The following RBM33 variants were observed in gnomAD, a reference collection of about 807,000 sequenced individuals.
The protein encoded by RBM33 is RNA-binding protein 33.
RBM33 carries 28 observed loss-of-function variants against 132.6 expected under a neutral mutation model. That is an observed-to-expected ratio of 0.21 (90% CI 0.16 to 0.29). The LOEUF is 0.29. RBM33 is among the 10% of genes least tolerant of loss of function. The probability of loss-of-function intolerance (pLI) is 1.00; values close to 1 mark genes in which losing one functional copy is unlikely to be tolerated. For missense variants in RBM33, 1,291 were observed against 1,518.5 expected (o/e 0.85, Z 2.49); for synonymous variants, 634 against 593.0 (o/e 1.07, Z -1.01).
At position 155,739,815 on chromosome 7, in the gene RBM33, ACCAGCCCCCGCC is replaced by A. The variant is rs1801259645; in HGVS notation, c.1844_1855del (p.Pro615_Gln618del). On this transcript the variant is annotated inframe_deletion, in exon 12 of 18. Transcript: ENST00000401878. ...CACCAGCCTCCGCACCAGCCCCCGC[ACCAGCCCCCGCC>A]CCAGCACCAGCCCCCACCCCAGCAC... 3.2e-5 allele frequency: 13 copies of A among 403,476 alleles called. No homozygotes were observed. The highest frequency in any genetic ancestry group is 7.7e-4 in the Middle Eastern group (1 of 1,306). 25.0% of individuals were successfully genotyped at this position (403,476 alleles called of 1,614,324 possible).
intron 2 of RBM33, among the ~76,000 whole-genome samples, chr7:155,667,546 A>G (rs1798833070): frequency 6.6e-6 from 1 of 151,992 alleles, no homozygotes; most frequent in African/African-American, 2.4e-5. Flanking sequence ...TTCTTTCATC[A>G]TTTCTTAATG....
chr7:155,673,942 T>TGTTG (rs780547846), intron 3 of RBM33, among the ~76,000 whole-genome samples: 1,202 of 31,254 alleles, frequency 0.038, 176 homozygotes, highest in South Asian at 0.12. Context: ...TAGGCTTAGT[T>TGTTG]TTTTTTTTTT....
chr7:155,741,011 G>T (rs1801314213), intron 12 of RBM33, among the ~76,000 whole-genome samples: 1 of 152,172 alleles, frequency 6.6e-6, no homozygotes, highest in African/African-American at 2.4e-5. Flanking sequence ...TAGCTGCTTG[G>T]AATCTCAGTT....
At chr7:155,726,426 G>A (rs886693462) in intron 9 of RBM33, among the ~76,000 whole-genome samples, 1 of 151,586 alleles carries the variant, frequency 6.6e-6, no homozygotes, top group African/African-American at 2.4e-5. Flanking sequence ...TAAAAATCAT[G>A]TAATTAACAA....
intron 9 of RBM33, among the ~76,000 whole-genome samples, chr7:155,733,696 C>G (rs1443630486): frequency 1.3e-5 from 2 of 152,176 alleles, no homozygotes; most frequent in Non-Finnish European, 2.9e-5. Flanking sequence ...TTGTCAGTCA[C>G]TGTACGGTAG....
intron 5 of RBM33, among the ~76,000 whole-genome samples, chr7:155,681,975 C>T (rs912280087): frequency 1.3e-4 from 19 of 150,972 alleles, no homozygotes; most frequent in Admixed American, 4.0e-4. Flanking sequence ...GGCTGGAGTG[C>T]AGTGGTGCGA....
intron 1 of RBM33, among the ~76,000 whole-genome samples, chr7:155,645,675 A>G (rs556501022): frequency 1.6e-4 from 25 of 152,256 alleles, no homozygotes; most frequent in Non-Finnish European, 2.9e-4. Context: ...TGGGGGTTTT[A>G]AAAACGTGGA....
chr7:155,767,824 A>T (rs1454868372), intron 16 of RBM33, among the ~76,000 whole-genome samples: 1 of 152,250 alleles, frequency 6.6e-6, no homozygotes, highest in African/African-American at 2.4e-5. Flanking sequence ...TTTCAAAACA[A>T]TTGATCATAA....
At position 155,775,430 on chromosome 7, in the gene RBM33, A is replaced by G; in HGVS notation, c.*389A>G. On this transcript the variant is annotated 3_prime_UTR_variant, in exon 18 of 18. Coordinates refer to ENST00000401878, the MANE Select transcript of RBM33 (RefSeq NM_053043.3). ...TTCTAAGTAGTTTTCACAGCAAAGA[A>G]TATTTGATAATGGTTGCACTTATCT... is the stretch of plus-strand genomic sequence containing the variant. 1 of 347,342 alleles carries G rather than the reference A, an allele frequency of 2.9e-6. No individual in the cohort carries two copies. Among genetic ancestry groups the G allele is most frequent in the South Asian group, 2.7e-5 (1 of 36,384 alleles). The allele number at this position is 347,342 out of a possible 1,614,324, so 21.5% of individuals were successfully genotyped here.
chr7:155,648,475 G>C (rs1381585162), intron 1 of RBM33, among the ~76,000 whole-genome samples: 1 of 152,116 alleles, frequency 6.6e-6, no homozygotes, highest in Non-Finnish European at 1.5e-5. Context: ...GGTGCAGAAG[G>C]TTTTCATTCG....
chr7:155,772,624 A>G (rs1802468715), intron 16 of RBM33, among the ~76,000 whole-genome samples: 1 of 152,192 alleles, frequency 6.6e-6, no homozygotes, highest in Non-Finnish European at 1.5e-5. Flanking sequence ...GAAACTATCA[A>G]ATTTCTTTTG....
At chr7:155,765,844 T>C (rs1048640819) in intron 15 of RBM33, among the ~76,000 whole-genome samples, 3 of 151,998 alleles carry the variant, frequency 2.0e-5, no homozygotes, top group African/African-American at 7.2e-5. Context: ...ACTTGGGGAG[T>C]GCCTGGGTCC....
intron 7 of RBM33, among the ~76,000 whole-genome samples, chr7:155,707,726 G>A (rs1800156612): frequency 6.6e-6 from 1 of 152,048 alleles, no homozygotes; most frequent in South Asian, 2.1e-4. Flanking sequence ...GCATGATCTT[G>A]GCTTACTGCA....
At chr7:155,761,650 G>A (rs137964792) in intron 14 of RBM33, among the ~76,000 whole-genome samples, 11 of 152,074 alleles carry the variant, frequency 7.2e-5, no homozygotes, top group South Asian at 6.2e-4. Context: ...CCTTATTTTG[G>A]TAATTCATCT....
chr7:155,719,638 T>C (rs751138704), intron 9 of RBM33, among the ~76,000 whole-genome samples: 2 of 152,216 alleles, frequency 1.3e-5, no homozygotes, highest in Non-Finnish European at 2.9e-5. Flanking sequence ...AGTCAAGTTT[T>C]ATTAGATCCA....
In RBM33 at chr7:155,692,557, C is replaced by T. The variant is rs552549549; in HGVS notation, c.568-8216C>T. The stretch of plus-strand genomic sequence containing the variant: ...CAACCTCCTATGTGTGCAGGGTCAC[C>T]TGGCTCTCTTCACACGGCCCAGTTG... On this transcript the variant is annotated intron_variant, in intron 5 of 17. Coordinates refer to ENST00000401878, the MANE Select transcript of RBM33 (RefSeq NM_053043.3). Among the ~76,000 whole-genome samples, 97 of 152,332 alleles carry T rather than the reference C, an allele frequency of 6.4e-4. No individual in the cohort carries two copies. In the South Asian group the frequency reaches 0.02, roughly 31 times the overall value.
At chr7:155,764,980 G>A (rs919617096) in intron 15 of RBM33, among the ~76,000 whole-genome samples, 2 of 152,224 alleles carry the variant, frequency 1.3e-5, no homozygotes, top group African/African-American at 4.8e-5. Context: ...TAACGCCAGT[G>A]TTAAAGTGAT....
chr7:155,647,378 A>G (rs971994555), intron 1 of RBM33, among the ~76,000 whole-genome samples: 2 of 152,172 alleles, frequency 1.3e-5, no homozygotes, highest in African/African-American at 4.8e-5. Flanking sequence ...GGCTATCCAC[A>G]ATCTGGATAG....
intron 16 of RBM33, among the ~76,000 whole-genome samples, chr7:155,772,932 T>A (rs1802478470): frequency 6.6e-6 from 1 of 152,234 alleles, no homozygotes; most frequent in Non-Finnish European, 1.5e-5. Flanking sequence ...GCTAGTCTTG[T>A]TTACTGATAG....
Sources: gnomAD v4.1 joint callset for allele counts (sites outside exome capture counted in the v4.1 genomes callset) on GRCh38, gnomAD v4.1.1 for gene constraint, MANE v1.5 for transcripts, NCBI Gene and HGNC (gene_info 2026-07-23, HGNC 2026-07-21) for gene names.